The following STIM1 variants were observed in gnomAD, a reference collection of about 807,000 sequenced individuals.
The protein encoded by STIM1 is stromal interaction molecule 1.
In STIM1, 25 loss-of-function variants were observed where a neutral mutation model predicts 74.7. That is an observed-to-expected ratio of 0.33 (90% CI 0.24 to 0.47). STIM1 has a LOEUF of 0.47. Ranked by LOEUF, STIM1 falls within the 20% of genes least tolerant of loss-of-function variation. The pLI is 1.00. For missense variants in STIM1, 728 were observed against 920.8 expected, an observed-to-expected ratio of 0.79 and a Z score of 2.71; for synonymous variants, 328 against 348.8, an observed-to-expected ratio of 0.94 and a Z score of 0.66.
At chr11:3,865,977 C>T (rs911476334) in intron 1 of STIM1, among the ~76,000 whole-genome samples, 3 of 152,134 alleles carry the variant, frequency 2.0e-5, no homozygotes, top group Admixed American at 6.5e-5. Flanking sequence ...AAGAAAAATC[C>T]GGAAATGAGC....
intron 5 of STIM1, among the ~76,000 whole-genome samples, chr11:4,067,248 CAT>C (rs1376082561): frequency 6.6e-6 from 1 of 152,184 alleles, no homozygotes; most frequent in Non-Finnish European, 1.5e-5. Flanking sequence ...CAGAGGCAAA[CAT>C]AGAACCAGGC....
chr11:3,950,333 C>T (rs2093130833), intron 1 of STIM1, among the ~76,000 whole-genome samples: 1 of 152,024 alleles, frequency 6.6e-6, no homozygotes, highest in South Asian at 2.1e-4. Flanking sequence ...GGGGTTTCAC[C>T]ATGTTGGTCA....
At chr11:3,861,523 G>A (rs373287763) in intron 1 of STIM1, among the ~76,000 whole-genome samples, 11 of 152,110 alleles carry the variant, frequency 7.2e-5, no homozygotes, top group Non-Finnish European at 1.6e-4. Context: ...GTGAGCCACC[G>A]CGCCTGGCCT....
intron 2 of STIM1, among the ~76,000 whole-genome samples, chr11:3,994,715 C>T (rs1467810042): frequency 6.6e-6 from 1 of 152,184 alleles, no homozygotes; most frequent in African/African-American, 2.4e-5. Flanking sequence ...CCACTTTGGC[C>T]TCTCACAGGT....
At position 4,067,148 on chromosome 11, in the gene STIM1, A is replaced by G. The variant is rs149362726; in HGVS notation, c.614-2878A>G. ...CACGTTCGATCTCGTTAGTAACCAC[A>G]CATTCTATCTCTGTAGTAACTCTAA... On this transcript the variant is annotated intron_variant, in intron 5 of 12. Coordinates refer to ENST00000526596, the MANE Select transcript of STIM1 (RefSeq NM_001382567.1). Among the ~76,000 whole-genome samples, 204 of 152,362 alleles carry G rather than the reference A, an allele frequency of 1.3e-3. 1 individual carries two copies. Among genetic ancestry groups the G allele is most frequent in the African/African-American group, 4.7e-3 (197 of 41,582 alleles).
chr11:3,971,916 T>C (rs1328205173), intron 2 of STIM1, among the ~76,000 whole-genome samples: 2 of 152,164 alleles, frequency 1.3e-5, no homozygotes, highest in Admixed American at 6.5e-5. Context: ...ATGGGAAATA[T>C]AGATATTCAA....
At chr11:4,000,278 C>T (rs1185075955) in intron 2 of STIM1, among the ~76,000 whole-genome samples, 6 of 143,894 alleles carry the variant, frequency 4.2e-5, no homozygotes, top group Non-Finnish European at 7.7e-5. Flanking sequence ...GGGCAGACTG[C>T]CTCCTCAAGT....
intron 12 of STIM1, among the ~76,000 whole-genome samples, chr11:4,087,839 C>T (rs1488805366): frequency 6.7e-6 from 1 of 149,526 alleles, no homozygotes; most frequent in African/African-American, 2.5e-5. Flanking sequence ...GCTTGAGTGA[C>T]TGAGTGGACA....
intron 11 of STIM1, 44 bp from the exon 12 acceptor site, chr11:4,086,433 A>G (rs753195643): frequency 1.2e-6 from 2 of 1,608,230 alleles, no homozygotes; most frequent in East Asian, 2.2e-5. Context: ...TGCCAGCCCA[A>G]AGTGGGCTGG....
chr11:4,021,965 T>A lies in STIM1; in HGVS notation c.271-1908T>A, dbSNP rs148328144. 7.4e-3 allele frequency among the ~76,000 whole-genome samples: 1,120 copies of A among 152,132 alleles called. 14 individuals are homozygous for A. Among genetic ancestry groups the A allele is most frequent in the African/African-American group, 0.022 (919 of 41,516 alleles). Reference sequence around the variant, plus strand: ...TAGCTATTGTAAATGGGATTTTTTTTAATTTCTTTTTCAGATTTGTTTACT... The same window carrying A: ...TAGCTATTGTAAATGGGATTTTTTTAAATTTCTTTTTCAGATTTGTTTACT... On this transcript the variant is annotated intron_variant, in intron 2 of 12. Coordinates refer to ENST00000526596, the MANE Select transcript of STIM1 (RefSeq NM_001382567.1).
intron 2 of STIM1, among the ~76,000 whole-genome samples, chr11:4,022,335 C>CAAAA (rs60560723): frequency 3.1e-4 from 33 of 104,914 alleles, no homozygotes; most frequent in Non-Finnish European, 4.3e-4. Context: ...GAACCTGTCT[C>CAAAA]AAAAAAAAAA....
At chr11:3,954,750 C>T (rs112971686) in intron 1 of STIM1, among the ~76,000 whole-genome samples, 8 of 152,082 alleles carry the variant, frequency 5.3e-5, no homozygotes, top group South Asian at 2.1e-4. Flanking sequence ...AGCGTCACCA[C>T]GTAAAAGGGA....
intron 7 of STIM1, among the ~76,000 whole-genome samples, chr11:4,078,169 T>C (rs1177447659): frequency 6.6e-6 from 1 of 152,182 alleles, no homozygotes; most frequent in African/African-American, 2.4e-5. Flanking sequence ...TTTTGTGAAG[T>C]ATATTAAGGA....
At chr11:4,052,149 A>G (rs2094247745) in intron 3 of STIM1, among the ~76,000 whole-genome samples, 1 of 152,210 alleles carries the variant, frequency 6.6e-6, no homozygotes, top group African/African-American at 2.4e-5. Context: ...CATGGATAGG[A>G]AAAATCAATA....
At chr11:3,885,267 C>A (rs923646112) in intron 1 of STIM1, among the ~76,000 whole-genome samples, 1 of 151,876 alleles carries the variant, frequency 6.6e-6, no homozygotes, top group African/African-American at 2.4e-5. Flanking sequence ...CAGCCTTGAC[C>A]TCCCGGGCTC....
chr11:3,856,312 A>G lies in STIM1; in HGVS notation c.42A>G (p.Gly14=), dbSNP rs781131551. 3 of 1,613,816 alleles carry G rather than the reference A, an allele frequency of 1.9e-6. No individual in the cohort carries two copies. The South Asian group carries it at 3.3e-5, about 18-fold the overall frequency. ...GTCTTGCCCTGTGGCTCCTCTGGGG[A>G]CTCCTCCTGCACCAGGGCCAGAGCC... ...CVRLALWLLW[G]LLLHQGQSLS... The change falls in exon 1 of 13, where the codon GGA becomes GGG. Residue 14 remains glycine (G), a synonymous_variant. Transcript: ENST00000526596.
intron 1 of STIM1, among the ~76,000 whole-genome samples, chr11:3,905,452 A>C (rs1028587836): frequency 6.6e-6 from 1 of 151,748 alleles, no homozygotes; most frequent in African/African-American, 2.4e-5. Flanking sequence ...TGAGAAATGT[A>C]GCCAGTGAAG....
intron 3 of STIM1, among the ~76,000 whole-genome samples, chr11:4,045,582 T>C (rs1443306857): frequency 6.6e-6 from 1 of 151,826 alleles, no homozygotes; most frequent in Non-Finnish European, 1.5e-5. Context: ...CCTGAGTAGC[T>C]AGGACTATAG....
intron 5 of STIM1, among the ~76,000 whole-genome samples, chr11:4,065,045 A>G (rs1403326155): frequency 6.6e-6 from 1 of 152,128 alleles, no homozygotes; most frequent in Non-Finnish European, 1.5e-5. Flanking sequence ...CTGTGCCCCA[A>G]TTTGCTCTAA....
Sources: allele counts gnomAD v4.1 joint callset (sites outside exome capture counted in the v4.1 genomes callset), GRCh38; gene constraint gnomAD v4.1.1; transcripts MANE v1.5; gene names NCBI Gene and HGNC (gene_info 2026-07-23, HGNC 2026-07-21).